The following BACE2 variants were observed in gnomAD, a reference collection of about 807,000 sequenced individuals.
The protein encoded by BACE2 is beta-secretase 2.
In BACE2, 17 loss-of-function variants were observed where a neutral mutation model predicts 46.2. The observed-to-expected ratio is 0.37, with a 90% CI of 0.25 to 0.55. The LOEUF (loss-of-function observed/expected upper bound fraction) is 0.55. BACE2 is among the 20% of genes least tolerant of loss of function. BACE2 has a pLI of 0.82. For missense variants in BACE2, 595 were observed against 698.1 expected, an observed-to-expected ratio of 0.85 and a Z score of 1.66; for synonymous variants, 277 against 295.9, an observed-to-expected ratio of 0.94 and a Z score of 0.66.
At chr21:41,209,746 AG>A (rs1431133461) in intron 1 of BACE2, among the ~76,000 whole-genome samples, 1 of 152,192 alleles carries the variant, frequency 6.6e-6, no homozygotes, top group African/African-American at 2.4e-5. Flanking sequence ...ATCTCGGTCC[AG>A]CACACCCTGA....
intron 1 of BACE2, chr21:41,179,889 C>G: frequency 2.6e-6 from 1 of 381,646 alleles, no homozygotes. Flanking sequence ...CCCAGTGATG[C>G]AGGACAGGCG....
intron 2 of BACE2, among the ~76,000 whole-genome samples, chr21:41,234,088 T>C (rs1987042220): frequency 6.6e-6 from 1 of 152,176 alleles, no homozygotes; most frequent in African/African-American, 2.4e-5. Context: ...TGGGAGATAA[T>C]TGAATCAAGG....
At chr21:41,271,648 C>T (rs185298756) in intron 8 of BACE2, among the ~76,000 whole-genome samples, 1 of 151,966 alleles carries the variant, frequency 6.6e-6, no homozygotes. Flanking sequence ...AGCTATAACT[C>T]TATATCGTGA....
intron 1 of BACE2, among the ~76,000 whole-genome samples, chr21:41,221,170 C>T (rs1157810444): frequency 1.3e-5 from 2 of 151,884 alleles, no homozygotes; most frequent in Admixed American, 6.6e-5. Flanking sequence ...CTTCATTGGT[C>T]GGGAGGGAAT....
At chr21:41,179,875 T>A (rs921823298) in intron 1 of BACE2, 10 of 384,624 alleles carry the variant, frequency 2.6e-5, no homozygotes, top group African/African-American at 2.1e-4. Flanking sequence ...TACTGGGAGA[T>A]GATCCCAGTG....
chr21:41,209,449 G>A (rs1261144681), intron 1 of BACE2, among the ~76,000 whole-genome samples: 1 of 152,198 alleles, frequency 6.6e-6, no homozygotes, highest in Non-Finnish European at 1.5e-5. Flanking sequence ...CTACCTCTGC[G>A]GGTTTCAGTG....
intron 2 of BACE2, among the ~76,000 whole-genome samples, chr21:41,232,568 T>C (rs1986995836): frequency 6.6e-6 from 1 of 152,178 alleles, no homozygotes; most frequent in Non-Finnish European, 1.5e-5. Context: ...CTTGTTGCTC[T>C]CATCAAGGTG....
intron 1 of BACE2, among the ~76,000 whole-genome samples, chr21:41,191,756 G>T (rs1045423690): frequency 6.6e-6 from 1 of 152,164 alleles, no homozygotes; most frequent in African/African-American, 2.4e-5. Context: ...GGGTGATGAC[G>T]GGGGTGGCTG....
chr21:41,197,213 G>A (rs73222252), intron 1 of BACE2, among the ~76,000 whole-genome samples: 19,258 of 150,670 alleles, frequency 0.13, 1,580 homozygotes, highest in Non-Finnish European at 0.18. Context: ...TCCCACCTTC[G>A]CCTCCCGAAG....
In BACE2 at chr21:41,212,397, A is replaced by G. The variant is rs1361956006; in HGVS notation, c.313-13869A>G. ...TACGTTGGGAATAAGGGTTCATCAT[A>G]CAAAGTTAGGGGTCAGGGCACAGAC... On this transcript the variant is annotated intron_variant, in intron 1 of 8. Transcript: ENST00000330333. 2.0e-5 allele frequency among the ~76,000 whole-genome samples: 3 copies of G among 152,204 alleles called. No homozygotes were observed. In the East Asian group the frequency reaches 5.8e-4, roughly 29 times the overall value.
At chr21:41,169,142 G>A (rs1202896528) in intron 1 of BACE2, among the ~76,000 whole-genome samples, 1 of 151,932 alleles carries the variant, frequency 6.6e-6, no homozygotes, top group Non-Finnish European at 1.5e-5. Context: ...CTGCTCTGAG[G>A]AAGGAGCAGC....
At chr21:41,268,334 A>G (rs937113853) in intron 8 of BACE2, among the ~76,000 whole-genome samples, 14 of 152,258 alleles carry the variant, frequency 9.2e-5, no homozygotes, top group African/African-American at 2.9e-4. Flanking sequence ...CCCACTGCAT[A>G]CAATGGCCTC....
chr21:41,237,859 C>A (rs1475412363), intron 3 of BACE2, 130 bp downstream of exon 3: 3 of 672,454 alleles, frequency 4.5e-6, no homozygotes, highest in Middle Eastern at 4.1e-4. Flanking sequence ...TGGAAACAGA[C>A]CAGCATTCAC....
intron 1 of BACE2, chr21:41,175,641 A>T (rs188067669): frequency 6.5e-6 from 1 of 152,988 alleles, no homozygotes; most frequent in East Asian, 1.9e-4. Context: ...ACCAGCAGCC[A>T]AAGAAAACAA....
At chr21:41,196,809 T>C (rs1985749543) in intron 1 of BACE2, among the ~76,000 whole-genome samples, 1 of 152,216 alleles carries the variant, frequency 6.6e-6, no homozygotes, top group Admixed American at 6.5e-5. Context: ...TCGTTGACGG[T>C]GACACACTGC....
chr21:41,245,863 T>G, intron 5 of BACE2, 99 bp from the exon 6 acceptor site: 2 of 827,632 alleles, frequency 2.4e-6, no homozygotes, highest in Non-Finnish European at 3.8e-6. Flanking sequence ...GCTGCCTGGA[T>G]TTGTGTGTAA....
chr21:41,198,610 G>T (rs551892270), intron 1 of BACE2, among the ~76,000 whole-genome samples: 1 of 152,286 alleles, frequency 6.6e-6, no homozygotes, highest in African/African-American at 2.4e-5. Context: ...TCCAACAGGG[G>T]TCTCCATGCA....
At chr21:41,170,137 C>A (rs753257318) in intron 1 of BACE2, among the ~76,000 whole-genome samples, 6 of 151,940 alleles carry the variant, frequency 3.9e-5, no homozygotes, top group Non-Finnish European at 8.8e-5. Context: ...ATAAAAGAAG[C>A]CCTGAAACCC....
chr21:41,246,486 T>A (rs1987475800), intron 6 of BACE2, among the ~76,000 whole-genome samples: 1 of 152,194 alleles, frequency 6.6e-6, no homozygotes, highest in African/African-American at 2.4e-5. Flanking sequence ...GAGAATAAAT[T>A]TATAGCCTTT....
Sources: gnomAD v4.1 joint callset for allele counts (sites outside exome capture counted in the v4.1 genomes callset) on GRCh38, gnomAD v4.1.1 for gene constraint, MANE v1.5 for transcripts, NCBI Gene and HGNC (gene_info 2026-07-23, HGNC 2026-07-21) for gene names.